The following ZNF350 variants were observed in gnomAD, a reference collection of about 807,000 sequenced individuals.
The protein encoded by ZNF350 is zinc finger protein 350.
Under a neutral mutation model 13.1 loss-of-function variants are expected in ZNF350, and 5 were observed. The ratio of observed to expected loss-of-function variants is 0.38; its 90% CI spans 0.20 to 0.80. ZNF350 has a LOEUF of 0.80. Among genes scored for constraint, ZNF350 ranks in the 30% least tolerant of loss-of-function variants. The pLI is 0.43. For synonymous variants in ZNF350, 199 were observed against 224.2 expected, an observed-to-expected ratio of 0.89 and a Z score of 1.00; for missense variants, 534 against 644.2, an observed-to-expected ratio of 0.83 and a Z score of 1.85.
Position 51,976,166 on chromosome 19 carries a change from T to C in ZNF350, c.-171-1635A>G, listed in dbSNP as rs2085891279. 6.6e-6 allele frequency among the ~76,000 whole-genome samples: 1 copy of C among 151,262 alleles called. No homozygotes were observed. The highest frequency in any genetic ancestry group is 1.5e-5 in the Non-Finnish European group (1 of 67,942). ...CTACTCTGGACCCCTGGCGCCGTTA[T>C]CTACTGCGACATCTAGAGAATGCAG... On this transcript the variant is annotated intron_variant, in intron 1 of 4. Transcript: ENST00000243644. The surrounding 1 kb of genome is among the most constrained non-coding windows in gnomAD (Gnocchi z 4.5).
At chr19:51,977,243 T>C (rs2085919418) in intron 1 of ZNF350, among the ~76,000 whole-genome samples, 1 of 152,102 alleles carries the variant, frequency 6.6e-6, no homozygotes, top group Admixed American at 6.6e-5. Flanking sequence ...GAGTTTAAGT[T>C]GTTGAAGGAA....
At position 51,969,117 on chromosome 19, in the gene ZNF350, C is replaced by G; in HGVS notation, c.30G>C (p.Leu10=). 6.2e-7 allele frequency: 1 copy of G among 1,614,052 alleles called. No individual in the cohort carries two copies. Among genetic ancestry groups the G allele is most frequent in the South Asian group, 1.1e-5 (1 of 91,084 alleles). Residue 10 remains leucine, a synonymous_variant, in exon 3 of 5, where the codon CTG becomes CTC. Transcript: ENST00000243644. ...AAGTGAAGTCCACAGCCACATCCTC[C>G]AGTGTTATGGATTCCTGTAATAACA... is the stretch of plus-strand genomic sequence containing the variant. MIQAQESIT[L]EDVAVDFTWE...
intron 1 of ZNF350, among the ~76,000 whole-genome samples, chr19:51,977,189 A>G (rs1390237824): frequency 6.6e-6 from 1 of 152,184 alleles, no homozygotes; most frequent in Non-Finnish European, 1.5e-5. Context: ...ATCAGGCCTG[A>G]TCCAAAAAAT....
intron 1 of ZNF350, among the ~76,000 whole-genome samples, chr19:51,983,805 G>C (rs2086110567): frequency 6.6e-6 from 1 of 152,084 alleles, no homozygotes; most frequent in South Asian, 2.1e-4. Flanking sequence ...TGCCGGTGTG[G>C]GTCCCCCATA....
chr19:51,981,151 G>A (rs1298607929), intron 1 of ZNF350: 2 of 152,118 alleles, frequency 1.3e-5, no homozygotes, highest in Non-Finnish European at 2.9e-5. Context: ...CCAACATAAG[G>A]TTTGCTGGAG....
At chr19:51,975,575 G>C (rs1223051875) in intron 1 of ZNF350, among the ~76,000 whole-genome samples, 1 of 151,882 alleles carries the variant, frequency 6.6e-6, no homozygotes, top group African/African-American at 2.4e-5. Flanking sequence ...AATGCATTTA[G>C]ATAGCTGTTT....
rs1336948941 is a variant in ZNF350 at position 51,968,624 on chromosome 19, T to C, written c.192A>G (p.Glu64=). 1 of 1,614,168 alleles carries C rather than the reference T, an allele frequency of 6.2e-7. No individual in the cohort carries two copies. Among genetic ancestry groups the C allele is most frequent in the Admixed American group, 1.7e-5 (1 of 60,022 alleles). Residue 64 remains glutamate, a synonymous_variant, in exon 4 of 5, where the codon GAA becomes GAG. Transcript: ENST00000243644. ...TTCCATCTTCAATTGTCCACAGTTG[T>C]TCTCCTTGTTCCAACTTGAAGAGTG... is the stretch of plus-strand genomic sequence containing the variant. ...PDALFKLEQG[E]QLWTIEDGIH...
chr19:51,968,506 C>T, intron 4 of ZNF350, 72 bp downstream of exon 4: 1 of 1,349,776 alleles, frequency 7.4e-7, no homozygotes, highest in Non-Finnish European at 1.1e-6. Flanking sequence ...AAACCCCCTT[C>T]ACAGCTGTGC....
chr19:51,975,173 A>G (rs2085848846), intron 1 of ZNF350, among the ~76,000 whole-genome samples: 1 of 152,256 alleles, frequency 6.6e-6, no homozygotes, highest in Admixed American at 6.5e-5. Flanking sequence ...TCTAGTTACA[A>G]TTAACACTAG....
chr19:51,983,694 A>G (rs1287921922), intron 1 of ZNF350, among the ~76,000 whole-genome samples: 2 of 152,056 alleles, frequency 1.3e-5, no homozygotes, highest in African/African-American at 2.4e-5. Flanking sequence ...ATGTTTTCCT[A>G]CTGACCCTCT....
chr19:51,972,682 T>C (rs530365384), intron 2 of ZNF350, among the ~76,000 whole-genome samples: 1 of 150,868 alleles, frequency 6.6e-6, no homozygotes, highest in Non-Finnish European at 1.5e-5. Flanking sequence ...GATAGATTCA[T>C]ATATACTCAC....
intron 1 of ZNF350, among the ~76,000 whole-genome samples, chr19:51,982,532 AAC>A (rs1461291342): frequency 6.6e-6 from 1 of 152,204 alleles, no homozygotes; most frequent in Non-Finnish European, 1.5e-5. Context: ...GATAAATTTT[AAC>A]AGTTTTAAAT....
At chr19:51,978,699 ACAT>A (rs1203389854) in intron 1 of ZNF350, among the ~76,000 whole-genome samples, 1 of 152,200 alleles carries the variant, frequency 6.6e-6, no homozygotes, top group Non-Finnish European at 1.5e-5. Flanking sequence ...TAGGATGGGC[ACAT>A]CAAACATTAC....
At chr19:51,966,806 C>A (rs1237886621) in intron 4 of ZNF350, among the ~76,000 whole-genome samples, 3 of 151,996 alleles carry the variant, frequency 2.0e-5, no homozygotes, top group African/African-American at 7.3e-5. Context: ...CACCACCGCA[C>A]CCAGCTAATT....
chr19:51,978,791 C>G (rs565573616), intron 1 of ZNF350, among the ~76,000 whole-genome samples: 1 of 152,284 alleles, frequency 6.6e-6, no homozygotes, highest in South Asian at 2.1e-4. Context: ...GCCTTATTTA[C>G]TTTAAATTTT....
chr19:51,985,603 C>T (rs1599963251), intron 1 of ZNF350, among the ~76,000 whole-genome samples: 1 of 152,180 alleles, frequency 6.6e-6, no homozygotes, highest in East Asian at 1.9e-4. Flanking sequence ...CAAGGCCTTA[C>T]TAAGAAACTG....
chr19:51,969,242 GT>G lies in ZNF350; in HGVS notation c.16-112del, dbSNP rs371882519. 9.2e-3 allele frequency: 10,636 copies of G among 1,158,678 alleles called. 380 individuals are homozygous for G. In the African/African-American group the frequency reaches 0.11, roughly 12 times the overall value. The allele number at this position is 1,158,678 out of a possible 1,614,324, so 71.8% of individuals were successfully genotyped here. On this transcript the variant is annotated intron_variant, in intron 2 of 4. Transcript: ENST00000243644. The stretch of plus-strand genomic sequence containing the variant: ...ACAGGCTGTGTGCATATACCAAATA[GT>G]TTTTTTTTTAATACAATGTGGAAGA...
Position 51,964,740 on chromosome 19 carries a change from A to G in ZNF350, c.*114T>C. On this transcript the variant is annotated 3_prime_UTR_variant, in exon 5 of 5. Coordinates refer to ENST00000243644, the MANE Select transcript of ZNF350 (RefSeq NM_021632.4). The stretch of plus-strand genomic sequence containing the variant: ...TCACAGCATACATTTTAATAGGATG[A>G]GTTTATCAGGCTATCTCAGCCTTAT... 8.1e-7 allele frequency: 1 copy of G among 1,230,436 alleles called. No homozygotes were observed. Among genetic ancestry groups the G allele is most frequent in the South Asian group, 1.5e-5 (1 of 64,942 alleles). The allele number at this position is 1,230,436 out of a possible 1,614,324, so 76.2% of individuals were successfully genotyped here. A position where few individuals can be genotyped will look rare whatever the true frequency, so the allele number is the denominator to read the frequency against.
Position 51,966,169 on chromosome 19 carries a change from C to T in ZNF350, c.284G>A (p.Ser95Asn). The part of the protein sequence containing the change: ...DHVLERLQSE[S>N]LVNRRKPCHE... Reference sequence around the variant, plus strand: ...ACATGGTTTCCTTCTGTTCACCAGGCTTTCACTCTGCAAGCGCTCCAGCAC... The same window carrying T: ...ACATGGTTTCCTTCTGTTCACCAGGTTTTCACTCTGCAAGCGCTCCAGCAC... The change falls in exon 5 of 5, where the codon AGC (serine) becomes AAC (asparagine). Residue 95 changes from serine to asparagine, a missense_variant. Physicochemically the swap from Ser to Asn is conservative, Grantham distance 46. Transcript: ENST00000243644. 1 of 1,609,690 alleles carries T rather than the reference C, an allele frequency of 6.2e-7. No individual in the cohort carries two copies. The highest frequency in any genetic ancestry group is 8.5e-7 in the Non-Finnish European group (1 of 1,178,430).
Sources: allele counts gnomAD v4.1 joint callset (sites outside exome capture counted in the v4.1 genomes callset), GRCh38; gene constraint gnomAD v4.1.1; non-coding constraint Gnocchi (gnomAD v3.1); transcripts MANE v1.5; gene names NCBI Gene and HGNC (gene_info 2026-07-23, HGNC 2026-07-21).